Variants in PLPPR5 observed in about 807,000 individuals in gnomAD.
The protein encoded by PLPPR5 is phospholipid phosphatase-related protein type 5.
PLPPR5 carries 16 observed loss-of-function variants against 33.9 expected under a neutral mutation model. That is an observed-to-expected ratio of 0.47 (90% CI 0.32 to 0.72). The LOEUF (loss-of-function observed/expected upper bound fraction) is 0.72. Among genes scored for constraint, PLPPR5 ranks in the 30% least tolerant of loss-of-function variants. The pLI is 0.03. For synonymous variants in PLPPR5, 163 were observed against 150.3 expected (o/e 1.08, Z -0.62); for missense variants, 301 against 406.7 (o/e 0.74, Z 2.23).
intron 1 of PLPPR5, among the ~76,000 whole-genome samples, chr1:98,957,973 A>AT (rs932637658): frequency 2.0e-5 from 3 of 152,216 alleles, no homozygotes; most frequent in African/African-American, 7.2e-5. Flanking sequence ...TTAATATTCC[A>AT]TTTTACAAAT....
At chr1:98,962,934 C>G (rs1003504966) in intron 1 of PLPPR5, among the ~76,000 whole-genome samples, 3 of 152,212 alleles carry the variant, frequency 2.0e-5, no homozygotes, top group African/African-American at 7.2e-5. Context: ...CAGGCATGAG[C>G]CACCACACCC....
intron 1 of PLPPR5, among the ~76,000 whole-genome samples, chr1:98,986,563 T>A (rs1652271860): frequency 6.6e-6 from 1 of 151,886 alleles, no homozygotes; most frequent in South Asian, 2.1e-4. Flanking sequence ...AATAAGGGAA[T>A]AATCTTTGTT....
intron 3 of PLPPR5, among the ~76,000 whole-genome samples, chr1:98,950,773 T>C (rs1396359832): frequency 1.3e-5 from 2 of 152,184 alleles, no homozygotes; most frequent in Non-Finnish European, 2.9e-5. Flanking sequence ...AACCTCAAAC[T>C]CCTGGACTCA....
At chr1:98,978,281 A>T (rs546442726) in intron 1 of PLPPR5, among the ~76,000 whole-genome samples, 58 of 152,144 alleles carry the variant, frequency 3.8e-4, no homozygotes, top group African/African-American at 1.3e-3. Context: ...TGTATATTTC[A>T]ATTGTTCAAA....
chr1:98,957,899 T>C (rs1167712161), intron 1 of PLPPR5, among the ~76,000 whole-genome samples: 1 of 152,248 alleles, frequency 6.6e-6, no homozygotes, highest in African/African-American at 2.4e-5. Flanking sequence ...ACCATATTTG[T>C]ACCATTGGTA....
chr1:99,004,837 C>T lies in PLPPR5; in HGVS notation c.-166G>A, dbSNP rs938380861. The T allele has an allele frequency of 1.6e-5, 5 of 305,386 alleles. No individual in the cohort carries two copies. The highest frequency in any genetic ancestry group is 1.1e-4 in the African/African-American group (5 of 45,144). The allele number at this position is 305,386 out of a possible 1,614,324, so 18.9% of individuals were successfully genotyped here. On this transcript the variant is annotated 5_prime_UTR_variant, in exon 1 of 6. Transcript: ENST00000263177. ...GCTGGAGGAAGAGGCGGAGGCAGGT[C>T]CGGGCTTCGAGGCGCCGGCAGGCTG...
Position 98,917,534 on chromosome 1 carries a change from TGCA to T in PLPPR5, c.799-2617_799-2615del, listed in dbSNP as rs137922651. Among the ~76,000 whole-genome samples, 147 of 152,324 alleles carry T rather than the reference TGCA, an allele frequency of 9.7e-4. 3 individuals carry two copies. The East Asian group carries it at 0.027, about 28-fold the overall frequency. ...GTAAACTCTGGCCCAGCCCCACTTT[TGCA>T]GCCTTCCTTCTCTGTTTTCAAAACA... is the stretch of plus-strand genomic sequence containing the variant. On this transcript the variant is annotated intron_variant, in intron 4 of 5. Transcript: ENST00000263177.
At chr1:98,912,506 T>A (rs147571590) in intron 5 of PLPPR5, among the ~76,000 whole-genome samples, 3 of 152,244 alleles carry the variant, frequency 2.0e-5, no homozygotes, top group Non-Finnish European at 4.4e-5. Context: ...TGAGAAGGGG[T>A]AGGGAATGTC....
At chr1:98,981,759 C>T (rs1652070860) in intron 1 of PLPPR5, among the ~76,000 whole-genome samples, 1 of 151,990 alleles carries the variant, frequency 6.6e-6, no homozygotes, top group African/African-American at 2.4e-5. Flanking sequence ...TGCTAATAGG[C>T]CATTTCATTT....
chr1:98,992,655 G>T (rs17119373), intron 1 of PLPPR5, among the ~76,000 whole-genome samples: 2,563 of 152,194 alleles, frequency 0.017, 75 homozygotes, highest in African/African-American at 0.059. Context: ...TGACATGGGT[G>T]TTAAATGCTC....
At chr1:98,956,037 CTTT>C (rs1553169599) in intron 2 of PLPPR5, among the ~76,000 whole-genome samples, 1 of 152,060 alleles carries the variant, frequency 6.6e-6, no homozygotes, top group Non-Finnish European at 1.5e-5. Context: ...ATCCCCAATA[CTTT>C]TTTGTTTATA....
At chr1:98,961,148 G>C (rs1157645709) in intron 1 of PLPPR5, among the ~76,000 whole-genome samples, 1 of 152,100 alleles carries the variant, frequency 6.6e-6, no homozygotes, top group Admixed American at 6.6e-5. Context: ...TCTCCTTGCT[G>C]TCTCTGGCTT....
chr1:98,918,721 T>TATAG (rs2101157449), intron 4 of PLPPR5, among the ~76,000 whole-genome samples: 1 of 152,312 alleles, frequency 6.6e-6, no homozygotes, highest in East Asian at 1.9e-4. Context: ...AGGGTTTGAA[T>TATAG]ATAGTCATCA....
intron 3 of PLPPR5, among the ~76,000 whole-genome samples, chr1:98,942,791 C>T (rs1650423538): frequency 6.6e-6 from 1 of 152,144 alleles, no homozygotes; most frequent in African/African-American, 2.4e-5. Flanking sequence ...ATGATATTAG[C>T]CTTGAGGGGT....
intron 5 of PLPPR5, among the ~76,000 whole-genome samples, chr1:98,907,762 G>C (rs1483052842): frequency 2.6e-5 from 4 of 152,162 alleles, no homozygotes; most frequent in Admixed American, 2.6e-4. Flanking sequence ...AGTCTGAATG[G>C]ATTGTGAGAA....
In PLPPR5 at chr1:98,952,610, A is replaced by C. The variant is rs1351024107; in HGVS notation, c.621+460T>G. The stretch of plus-strand genomic sequence containing the variant: ...TTCTATGAGAAAACGTTAAACGCTA[A>C]TTGAGATATGATGAAGATATAGTTG... On this transcript the variant is annotated intron_variant, in intron 3 of 5. Coordinates refer to ENST00000263177, the MANE Select transcript of PLPPR5 (RefSeq NM_001037317.2). 2.0e-5 allele frequency among the ~76,000 whole-genome samples: 3 copies of C among 152,188 alleles called. No homozygotes were observed. The East Asian group carries it at 5.8e-4, about 29-fold the overall frequency.
At chr1:98,925,729 A>G (rs1649731972) in intron 3 of PLPPR5, among the ~76,000 whole-genome samples, 1 of 152,182 alleles carries the variant, frequency 6.6e-6, no homozygotes, top group Admixed American at 6.5e-5. Flanking sequence ...AGCACCTACT[A>G]TGCATCAGAG....
chr1:98,933,162 ATT>A (rs898952146), intron 3 of PLPPR5, among the ~76,000 whole-genome samples: 2 of 151,736 alleles, frequency 1.3e-5, no homozygotes, highest in African/African-American at 4.8e-5. Flanking sequence ...CAAAACAAAA[ATT>A]TGTCTTGCCT....
At chr1:98,995,858 A>T (rs748875724) in intron 1 of PLPPR5, among the ~76,000 whole-genome samples, 6 of 152,098 alleles carry the variant, frequency 3.9e-5, no homozygotes, top group Non-Finnish European at 8.8e-5. Flanking sequence ...TCATTATAAC[A>T]TCATCACCAT....
Sources: gnomAD v4.1 joint callset for allele counts (sites outside exome capture counted in the v4.1 genomes callset) on GRCh38, gnomAD v4.1.1 for gene constraint, MANE v1.5 for transcripts, NCBI Gene and HGNC (gene_info 2026-07-23, HGNC 2026-07-21) for gene names.